PTPRR: variants seen among roughly 807,000 people sequenced by gnomAD.
PTPRR encodes receptor-type tyrosine-protein phosphatase R.
PTPRR carries 38 observed loss-of-function variants against 77.2 expected under a neutral mutation model. The ratio of observed to expected loss-of-function variants is 0.49; its 90% CI spans 0.38 to 0.65. The LOEUF is 0.65. Among genes scored for constraint, PTPRR ranks in the 30% least tolerant of loss-of-function variants. The pLI is 0.00. For missense variants in PTPRR, 744 were observed against 799.2 expected (o/e 0.93, Z 0.83); for synonymous variants, 299 against 283.1 (o/e 1.06, Z -0.57).
chr12:70,744,985 G>A (rs544652024), intron 6 of PTPRR, among the ~76,000 whole-genome samples: 25 of 152,150 alleles, frequency 1.6e-4, no homozygotes, highest in African/African-American at 3.4e-4. Context: ...TTGGATTTGC[G>A]TTTAATGGAA....
chr12:70,720,548 G>A (rs1395078777), intron 6 of PTPRR, among the ~76,000 whole-genome samples: 1 of 139,062 alleles, frequency 7.2e-6, no homozygotes, highest in Non-Finnish European at 1.5e-5. Flanking sequence ...GTCTTGCTCT[G>A]TCGCCCAGGC....
At chr12:70,920,307 C>A (rs367965931) in intron 1 of PTPRR, 26 bp downstream of exon 1, 8 of 1,608,030 alleles carry the variant, frequency 5.0e-6, no homozygotes, top group Non-Finnish European at 6.0e-6. Flanking sequence ...TGCACAGCTC[C>A]GGCTCTAAGC....
At chr12:70,693,398 G>A (rs1888120575) in intron 8 of PTPRR, among the ~76,000 whole-genome samples, 1 of 152,130 alleles carries the variant, frequency 6.6e-6, no homozygotes, top group African/African-American at 2.4e-5. Flanking sequence ...CCGGGCTCAA[G>A]TGATCCTCCT....
At chr12:70,798,156 C>T in intron 2 of PTPRR, among the ~76,000 whole-genome samples, 1 of 152,164 alleles carries the variant, frequency 6.6e-6, no homozygotes, top group Non-Finnish European at 1.5e-5. Flanking sequence ...ACTAATCATT[C>T]AATTATACAA....
At chr12:70,895,645 G>T (rs568695512) in intron 1 of PTPRR, among the ~76,000 whole-genome samples, 143 of 151,652 alleles carry the variant, frequency 9.4e-4, no homozygotes, top group African/African-American at 3.3e-3. Context: ...TGATGATACA[G>T]TTTCTTAGAC....
At chr12:70,897,546 C>T (rs1440817512) in intron 1 of PTPRR, among the ~76,000 whole-genome samples, 1 of 151,930 alleles carries the variant, frequency 6.6e-6, no homozygotes, top group East Asian at 1.9e-4. Flanking sequence ...AACACTTTTA[C>T]ACTGTTGGTG....
At chr12:70,723,028 A>G (rs1450229797) in intron 6 of PTPRR, among the ~76,000 whole-genome samples, 1 of 152,200 alleles carries the variant, frequency 6.6e-6, no homozygotes, top group Non-Finnish European at 1.5e-5. Flanking sequence ...AATCACTGAG[A>G]AGACACCAAA....
At chr12:70,878,045 A>C (rs1207754724) in intron 2 of PTPRR, among the ~76,000 whole-genome samples, 1 of 152,214 alleles carries the variant, frequency 6.6e-6, no homozygotes, top group African/African-American at 2.4e-5. Context: ...CTGGCTAGCC[A>C]TATGTAGAAA....
intron 2 of PTPRR, among the ~76,000 whole-genome samples, chr12:70,852,279 A>G (rs1357372608): frequency 6.6e-6 from 1 of 152,192 alleles, no homozygotes. Context: ...TCATTCAACA[A>G]TTGTTAAATT....
At chr12:70,868,059 T>C (rs1467221425) in intron 2 of PTPRR, among the ~76,000 whole-genome samples, 1 of 152,102 alleles carries the variant, frequency 6.6e-6, no homozygotes, top group Non-Finnish European at 1.5e-5. Context: ...AAGACTTACA[T>C]GTTAGACCTA....
chr12:70,779,090 C>T (rs537970125), intron 2 of PTPRR, among the ~76,000 whole-genome samples: 4 of 152,248 alleles, frequency 2.6e-5, no homozygotes, highest in East Asian at 3.9e-4. Flanking sequence ...TCAGGTGATC[C>T]GCCCACCTCA....
At chr12:70,654,354 G>C (rs1046413085) in intron 13 of PTPRR, among the ~76,000 whole-genome samples, 1 of 152,146 alleles carries the variant, frequency 6.6e-6, no homozygotes, top group Admixed American at 6.5e-5. Flanking sequence ...AAGATGTGAG[G>C]ATTGTTTGAG....
At chr12:70,800,227 T>C (rs1891588868) in intron 2 of PTPRR, among the ~76,000 whole-genome samples, 1 of 151,776 alleles carries the variant, frequency 6.6e-6, no homozygotes, top group African/African-American at 2.4e-5. Context: ...TCTAAACCCT[T>C]TCCCCCCTAC....
intron 6 of PTPRR, among the ~76,000 whole-genome samples, chr12:70,710,378 T>A (rs143175015): frequency 2.4e-3 from 359 of 152,314 alleles, no homozygotes; most frequent in South Asian, 5.0e-3. Context: ...ACTCCTTCCT[T>A]ATATCATATA....
intron 2 of PTPRR, among the ~76,000 whole-genome samples, chr12:70,819,608 T>C (rs913072364): frequency 6.6e-6 from 1 of 152,172 alleles, no homozygotes; most frequent in East Asian, 1.9e-4. Flanking sequence ...TTTATTCAGG[T>C]GTTTTGGTCT....
intron 6 of PTPRR, among the ~76,000 whole-genome samples, chr12:70,712,687 C>T (rs1410295657): frequency 1.3e-5 from 2 of 151,762 alleles, no homozygotes; most frequent in African/African-American, 4.8e-5. Flanking sequence ...ACGTAAAGGA[C>T]GTTTTTATGC....
At chr12:70,749,868 G>A (rs990299499) in intron 5 of PTPRR, among the ~76,000 whole-genome samples, 2 of 152,164 alleles carry the variant, frequency 1.3e-5, no homozygotes, top group African/African-American at 2.4e-5. Context: ...TTTCATAAAT[G>A]TCTTTGTACT....
At chr12:70,888,583 C>T (rs1893281639) in intron 2 of PTPRR, among the ~76,000 whole-genome samples, 1 of 152,144 alleles carries the variant, frequency 6.6e-6, no homozygotes, top group Non-Finnish European at 1.5e-5. Flanking sequence ...TATGGAAGCA[C>T]ATCTGAGTCA....
At chr12:70,817,205 C>T (rs920270736) in intron 2 of PTPRR, among the ~76,000 whole-genome samples, 2 of 152,100 alleles carry the variant, frequency 1.3e-5, no homozygotes, top group East Asian at 1.9e-4. Flanking sequence ...AGCCCACAAA[C>T]ACTTTAATGT....
Sources: gnomAD v4.1 joint callset for allele counts (sites outside exome capture counted in the v4.1 genomes callset) on GRCh38, gnomAD v4.1.1 for gene constraint, MANE v1.5 for transcripts, NCBI Gene and HGNC (gene_info 2026-07-23, HGNC 2026-07-21) for gene names.